Variants in QSOX2 observed in about 807,000 individuals in gnomAD.
QSOX2 encodes sulfhydryl oxidase 2.
A neutral mutation model predicts 61.7 loss-of-function variants in QSOX2; 46 were observed. That is an observed-to-expected ratio of 0.75 (90% CI 0.59 to 0.95). The LOEUF is 0.95. Among genes scored for constraint, QSOX2 ranks in the 40% least tolerant of loss-of-function variants. The probability of loss-of-function intolerance (pLI) is 0.00; values close to 1 mark genes in which losing one functional copy is unlikely to be tolerated. For missense variants in QSOX2, 879 were observed against 918.9 expected (o/e 0.96, Z 0.56); for synonymous variants, 383 against 388.4 (o/e 0.99, Z 0.16).
At chr9:136,213,270 C>T (rs1831870699) in intron 10 of QSOX2, among the ~76,000 whole-genome samples, 2 of 115,014 alleles carry the variant, frequency 1.7e-5, no homozygotes, top group South Asian at 2.7e-4. Context: ...TTTTTTGAGA[C>T]AGTCTTGCTG....
intron 6 of QSOX2, among the ~76,000 whole-genome samples, chr9:136,219,450 C>CT (rs1164852382): frequency 1.3e-5 from 2 of 152,216 alleles, no homozygotes; most frequent in African/African-American, 4.8e-5. Flanking sequence ...TTTTGTAAAG[C>CT]TGGGTTGAGC....
chr9:136,216,745 G>A, intron 8 of QSOX2, 23 bp from the exon 9 acceptor site: 2 of 1,612,008 alleles, frequency 1.2e-6, no homozygotes, highest in Non-Finnish European at 1.7e-6. Flanking sequence ...GGAGCCACCT[G>A]AGAGCTACAG....
Position 136,245,656 on chromosome 9 carries a change from C to T in QSOX2, c.148G>A (p.Gly50Ser), listed in dbSNP as rs1191314187. The change falls in exon 1 of 12, where the codon GGC (glycine) becomes AGC (serine). Residue 50 changes from glycine (G) to serine (S), a missense_variant. Physicochemically the swap from Gly to Ser is moderately conservative, Grantham distance 56. Transcript: ENST00000358701. ...LAAAAVGPGA[G>S]GAARLYRAGE... ...GCGCGGTACAGCCGCGCCGCACCGCCCGCGCCCGGCCCCACCGCCGCCGCC... is the reference window on the plus strand; with the variant it reads ...GCGCGGTACAGCCGCGCCGCACCGCTCGCGCCCGGCCCCACCGCCGCCGCC... 10 of 1,236,536 alleles carry T rather than the reference C, an allele frequency of 8.1e-6. No homozygotes were observed. Among genetic ancestry groups the T allele is most frequent in the Non-Finnish European group, 1.0e-5 (10 of 992,864 alleles). The allele number at this position is 1,236,536 out of a possible 1,614,324, so 76.6% of individuals were successfully genotyped here.
chr9:136,245,423 G>A, intron 1 of QSOX2, 53 bp downstream of exon 1: 3 of 1,492,900 alleles, frequency 2.0e-6, no homozygotes, highest in Non-Finnish European at 2.7e-6. Flanking sequence ...AAGGGGTCCC[G>A]GAAGGCCGCG....
rs145891858 is a variant in QSOX2 at position 136,213,400 on chromosome 9, C to T, written c.1360+1754G>A. Among the ~76,000 whole-genome samples the T allele has an allele frequency of 2.9e-3, 447 of 151,982 alleles. 3 individuals carry two copies. Among genetic ancestry groups the T allele is most frequent in the African/African-American group, 9.9e-3 (412 of 41,428 alleles). On this transcript the variant is annotated intron_variant, in intron 10 of 11. Transcript: ENST00000358701. ...GATTTACATGGTCTGGCTGGGCATT[C>T]GGTCGGAATCAGGTTTGCATGGTCT...
chr9:136,209,395 GTCCTGCCAGGCC>G lies in QSOX2; in HGVS notation c.1550-132_1550-121del. On this transcript the variant is annotated intron_variant, in intron 11 of 11. Coordinates refer to ENST00000358701, the MANE Select transcript of QSOX2 (RefSeq NM_181701.4). This position sits in a 1 kb window ranked among gnomAD's most constrained non-coding sequence, Gnocchi z 5.6. ...CGGGCCTCCACTGCCCTGGCCCAGG[GTCCTGCCAGGCC>G]TCCCTCCCTGCCCTTCCCACCACCC... The G allele has an allele frequency of 3.3e-6, 5 of 1,511,420 alleles. No homozygotes were observed. The highest frequency in any genetic ancestry group is 4.4e-6 in the Non-Finnish European group (5 of 1,133,830). 93.6% of individuals were successfully genotyped at this position (1,511,420 alleles called of 1,614,324 possible).
chr9:136,225,905 G>A (rs1176062471), intron 2 of QSOX2, among the ~76,000 whole-genome samples: 2 of 152,222 alleles, frequency 1.3e-5, no homozygotes, highest in African/African-American at 4.8e-5. Context: ...AATACAACAG[G>A]AAGCCATGCT....
intron 1 of QSOX2, among the ~76,000 whole-genome samples, chr9:136,229,383 C>T (rs918018946): frequency 2.6e-5 from 4 of 152,270 alleles, no homozygotes; most frequent in Non-Finnish European, 5.9e-5. Context: ...CCTCCACAGC[C>T]CCGGCTCCTC....
chr9:136,234,594 G>T (rs925485224), intron 1 of QSOX2, among the ~76,000 whole-genome samples: 10 of 152,220 alleles, frequency 6.6e-5, no homozygotes, highest in African/African-American at 2.4e-4. Flanking sequence ...CCCCTTCAGA[G>T]CTAGCACGCT....
chr9:136,221,929 G>C lies in QSOX2; in HGVS notation c.688C>G (p.Leu230Val), dbSNP rs369472477. ...ACCACGATGCTTTCATACGGGATCA[G>C]GTCTAAGATCACCTGGGGGATGAGA... ...SYLGREVILD[L>V]IPYESIVVTR... Residue 230 changes from leucine to valine, a missense_variant, in exon 6 of 12, where the codon CTG becomes GTG. Coordinates refer to ENST00000358701, the MANE Select transcript of QSOX2 (RefSeq NM_181701.4). The surrounding 1 kb of genome is among the most constrained non-coding windows in gnomAD (Gnocchi z 4.5). 1.9e-6 allele frequency: 3 copies of C among 1,596,576 alleles called. No homozygotes were observed. The highest frequency in any genetic ancestry group is 2.6e-6 in the Non-Finnish European group (3 of 1,171,556).
At chr9:136,224,970 A>C in intron 2 of QSOX2, 61 bp from the exon 3 acceptor site, 1 of 1,300,092 alleles carries the variant, frequency 7.7e-7, no homozygotes, top group Non-Finnish European at 1.1e-6. Context: ...GCATGTGTTT[A>C]AGCAACAAAA....
rs905662608 is a variant in QSOX2 at position 136,211,538 on chromosome 9, C to T, written c.1361-86G>A. On this transcript the variant is annotated intron_variant, in intron 10 of 11. Transcript: ENST00000358701. ...TTGTCCAGAGAGCCTGGGGGGAAAC[C>T]GCTCCTGACATGTCGGGAAGCCACC... 2.7e-5 allele frequency: 38 copies of T among 1,403,170 alleles called. No individual in the cohort carries two copies. The East Asian group carries it at 5.9e-4, about 22-fold the overall frequency. 86.9% of individuals were successfully genotyped at this position (1,403,170 alleles called of 1,614,324 possible). A position where few individuals can be genotyped will look rare whatever the true frequency, so the allele number is the denominator to read the frequency against.
At chr9:136,238,163 G>T (rs370419201) in intron 1 of QSOX2, among the ~76,000 whole-genome samples, 1 of 152,186 alleles carries the variant, frequency 6.6e-6, no homozygotes, top group African/African-American at 2.4e-5. Flanking sequence ...ATGCTGAGAG[G>T]ACACAAGACT....
At chr9:136,225,012 T>C (rs1830266823) in intron 2 of QSOX2, 103 bp from the exon 3 acceptor site, 1 of 715,766 alleles carries the variant, frequency 1.4e-6, no homozygotes, top group Non-Finnish European at 2.3e-6. Context: ...CTTTACTCAA[T>C]TTCCTTCGGA....
chr9:136,211,439 G>A lies in QSOX2; in HGVS notation c.1374C>T (p.Asp458=). 6.2e-7 allele frequency: 1 copy of A among 1,613,814 alleles called. No homozygotes were observed. Among genetic ancestry groups the A allele is most frequent in the Non-Finnish European group, 8.5e-7 (1 of 1,179,764 alleles). Residue 458 remains aspartate (D), a synonymous_variant, in exon 11 of 12, where the codon GAC becomes GAT. Transcript: ENST00000358701. ...TCATTGTCTGCAGCACAGCCTGGGG[G>A]TCGTCTTCAAAGCCTGCAGGGGAAG... ...DALVGTGFED[D]PQAVLQTMRR...
In QSOX2 at chr9:136,222,503, CTT is replaced by C. The variant is rs1197732739; in HGVS notation, c.676-564_676-563del. Among the ~76,000 whole-genome samples the C allele has an allele frequency of 1.3e-5, 2 of 152,208 alleles. No individual in the cohort carries two copies. On this transcript the variant is annotated intron_variant, in intron 5 of 11. Transcript: ENST00000358701. This position sits in a 1 kb window ranked among gnomAD's most constrained non-coding sequence, Gnocchi z 6.9. ...ACATCGGGCGTACGTCTTTCCTTCTCTTAACAGAGGAACAAAACCAGCTGCTC... is the reference window on the plus strand; with the variant it reads ...ACATCGGGCGTACGTCTTTCCTTCTCAACAGAGGAACAAAACCAGCTGCTC...
chr9:136,224,261 C>T (rs1238364471), intron 3 of QSOX2, 149 bp from the exon 4 acceptor site: 5 of 618,980 alleles, frequency 8.1e-6, no homozygotes, highest in African/African-American at 1.8e-5. Context: ...AATGGGTGTG[C>T]CCAATGCCAC....
chr9:136,207,880 CGTCCCAACGGCCCCCATTTACTT>C lies in QSOX2; in HGVS notation c.*825_*847del, dbSNP rs1213540064. 6.6e-6 allele frequency: 1 copy of C among 152,294 alleles called. No individual in the cohort carries two copies. Among genetic ancestry groups the C allele is most frequent in the Admixed American group, 6.5e-5 (1 of 15,284 alleles). 9.4% of individuals were successfully genotyped at this position (152,294 alleles called of 1,614,324 possible). A position where few individuals can be genotyped will look rare whatever the true frequency, so the allele number is the denominator to read the frequency against. On this transcript the variant is annotated 3_prime_UTR_variant, in exon 12 of 12. Coordinates refer to ENST00000358701, the MANE Select transcript of QSOX2 (RefSeq NM_181701.4). Reference sequence around the variant, plus strand: ...CCAGAGCTGCCCTCCAGGCACCCGCCGTCCCAACGGCCCCCATTTACTTGTCTCTCTCTTGTCACCAGATAGAC... The same window carrying C: ...CCAGAGCTGCCCTCCAGGCACCCGCCGTCTCTCTCTTGTCACCAGATAGAC...
At chr9:136,215,393 G>T (rs1237449859) in intron 9 of QSOX2, 89 bp from the exon 10 acceptor site, 50 of 1,026,398 alleles carry the variant, frequency 4.9e-5, no homozygotes, top group Non-Finnish European at 6.4e-5. Flanking sequence ...TTGACTGGGG[G>T]GGGTGGATAA....
Sources: gnomAD v4.1 joint callset for allele counts (sites outside exome capture counted in the v4.1 genomes callset) on GRCh38, gnomAD v4.1.1 for gene constraint, Gnocchi (gnomAD v3.1) non-coding constraint, MANE v1.5 for transcripts, NCBI Gene and HGNC (gene_info 2026-07-23, HGNC 2026-07-21) for gene names.